Variants in CYP3A7 observed in about 807,000 individuals in gnomAD.
CYP3A7 encodes cytochrome P450 family 3 subfamily A member 7.
A neutral mutation model predicts 55.2 loss-of-function variants in CYP3A7; 45 were observed. The ratio of observed to expected loss-of-function variants is 0.82; its 90% confidence interval spans 0.64 to 1.05. The LOEUF (loss-of-function observed/expected upper bound fraction) is 1.05, where lower values mean the gene tolerates loss of function less well. CYP3A7 is among the 50% of genes least tolerant of loss of function. The pLI, the probability that CYP3A7 is intolerant of heterozygous loss-of-function variation, is 0.00. For synonymous variants in CYP3A7, 180 were observed against 207.4 expected (o/e 0.87, Z 1.13); for missense variants, 548 against 605.3 (o/e 0.91, Z 0.99).
intron 4 of CYP3A7, among the ~76,000 whole-genome samples, chr7:99,719,991 A>G (rs565505099): frequency 2.7e-4 from 41 of 151,964 alleles, no homozygotes; most frequent in African/African-American, 9.4e-4. Context: ...AGTGTGACTC[A>G]GTCCGAAAAA....
intron 12 of CYP3A7, 69 bp from the exon 13 acceptor site, chr7:99,705,664 TA>T (rs4646467): frequency 3.0e-4 from 469 of 1,557,850 alleles, no homozygotes; most frequent in Middle Eastern, 6.9e-4. Context: ...AGCATCAAAG[TA>T]AAAAAAAATT....
chr7:99,720,398 T>A lies in CYP3A7; in HGVS notation c.233A>T (p.Gln78Leu), dbSNP rs1387443575. The change falls in exon 4 of 13, where the codon CAA becomes CTA. Residue 78 changes from glutamine (Q) to leucine (L), a missense_variant. Coordinates refer to ENST00000336374, the MANE Select transcript of CYP3A7 (RefSeq NM_000765.5). ...YRKVWGIYDC[Q>L]QPMLAITDPD... is the part of the protein sequence containing the mutation. ...ATCTGTGATAGCCAGCATAGGCTGT[T>A]GACAGTCATAAATACTGTGTGGAGA... 5 of 1,613,576 alleles carry A rather than the reference T, an allele frequency of 3.1e-6. No homozygotes were observed. Among genetic ancestry groups the A allele is most frequent in the Non-Finnish European group, 4.2e-6 (5 of 1,179,680 alleles).
chr7:99,714,063 T>C (rs2151509826), intron 8 of CYP3A7, among the ~76,000 whole-genome samples: 1 of 152,330 alleles, frequency 6.6e-6, no homozygotes, highest in Non-Finnish European at 1.5e-5. Flanking sequence ...AGAAGACCTC[T>C]GTTCACTCGA....
chr7:99,718,443 C>T (rs1378733458), intron 4 of CYP3A7, among the ~76,000 whole-genome samples: 1 of 152,142 alleles, frequency 6.6e-6, no homozygotes, highest in Non-Finnish European at 1.5e-5. Context: ...TTGAAACTCT[C>T]TTTCATCTTC....
At chr7:99,715,368 C>A in intron 7 of CYP3A7, 2 of 250,518 alleles carry the variant, frequency 8.0e-6, no homozygotes, top group South Asian at 1.0e-4. Context: ...CGGAGAAGGG[C>A]AAACTAAGCC....
At position 99,734,934 on chromosome 7, in the gene CYP3A7, T is replaced by A. The variant is rs568087805; in HGVS notation, c.71+89A>T. 26 of 1,593,174 alleles carry A rather than the reference T, an allele frequency of 1.6e-5. No individual in the cohort carries two copies. In the East Asian group the frequency reaches 5.8e-4, roughly 36 times the overall value. Reference sequence around the variant, plus strand: ...CCACGGCCAGCCTGAACATCCTTTTTGCTATTCAAAACAGATAAGGGAAAG... The same window carrying A: ...CCACGGCCAGCCTGAACATCCTTTTAGCTATTCAAAACAGATAAGGGAAAG... On this transcript the variant is annotated intron_variant, in intron 1 of 12. Coordinates refer to ENST00000336374, the MANE Select transcript of CYP3A7 (RefSeq NM_000765.5).
Position 99,709,110 on chromosome 7 carries a change from A to G in CYP3A7, c.1178T>C (p.Val393Ala), listed in dbSNP as rs567007226. Residue 393 changes from valine (V) to alanine (A), a missense_variant, in exon 11 of 13, where the codon GTG becomes GCG. Physicochemically the swap from Val to Ala is moderately conservative, Grantham distance 64. Coordinates refer to ENST00000336374, the MANE Select transcript of CYP3A7 (RefSeq NM_000765.5). ...INGMFIPKGV[V>A]VMIPSYVLHH... ...AAGAACATAGCTTGGAATCATCACC[A>G]CCACCCCTTTGGGAATAAACATCCC... 134 of 1,613,890 alleles carry G rather than the reference A, an allele frequency of 8.3e-5. No homozygotes were observed. The South Asian group carries it at 1.4e-3, about 17-fold the overall frequency.
chr7:99,715,675 A>C lies in CYP3A7; in HGVS notation c.670+83T>G, dbSNP rs1302505047. ...CCATTAAACTGTACATTTTAAGTGG[A>C]TGAATTACATGGTGATTTACATCTC... On this transcript the variant is annotated intron_variant, in intron 7 of 12. Transcript: ENST00000336374. 3.1e-6 allele frequency: 5 copies of C among 1,602,584 alleles called. No homozygotes were observed. The Admixed American group carries it at 6.7e-5, about 21-fold the overall frequency.
chr7:99,727,026 T>C (rs1195322433), intron 2 of CYP3A7, among the ~76,000 whole-genome samples: 1 of 152,216 alleles, frequency 6.6e-6, no homozygotes, highest in Non-Finnish European at 1.5e-5. Context: ...AAAACCATTA[T>C]ATAAACTCAC....
At chr7:99,718,155 G>A (rs1016964120) in intron 4 of CYP3A7, among the ~76,000 whole-genome samples, 5 of 152,100 alleles carry the variant, frequency 3.3e-5, no homozygotes, top group African/African-American at 1.2e-4. Context: ...ATAGCATTAG[G>A]AGTTATACCT....
At chr7:99,708,883 T>C (rs1813631783) in intron 11 of CYP3A7, 152 bp downstream of exon 11, 2 of 923,406 alleles carry the variant, frequency 2.2e-6, no homozygotes, top group African/African-American at 1.7e-5. Context: ...GTTTGTAAAG[T>C]GTGACAATGA....
intron 1 of CYP3A7, among the ~76,000 whole-genome samples, chr7:99,733,568 A>G (rs747517139): frequency 7.2e-5 from 11 of 152,198 alleles, no homozygotes; most frequent in Non-Finnish European, 1.5e-4. Context: ...TGACTGCCAG[A>G]ATCTGTAGTG....
chr7:99,731,654 C>T (rs1163163675), intron 1 of CYP3A7, among the ~76,000 whole-genome samples: 2 of 152,194 alleles, frequency 1.3e-5, no homozygotes, highest in African/African-American at 2.4e-5. Context: ...TTAGAATTTG[C>T]TCAGAGGCTT....
rs781404311 is a variant in CYP3A7, at chr7:99,707,788, T to A, written c.1416+24A>T. 30 of 1,613,412 alleles carry A rather than the reference T, an allele frequency of 1.9e-5. No individual in the cohort carries two copies. The South Asian group carries it at 3.2e-4, about 17-fold the overall frequency. ...GTTAAAATAATTGTTAATAAAACAT[T>A]ATTAATGCAGAAAATTGACTGACCT... On this transcript the variant is annotated intron_variant, in intron 12 of 12. Coordinates refer to ENST00000336374, the MANE Select transcript of CYP3A7 (RefSeq NM_000765.5).
intron 9 of CYP3A7, 42 bp downstream of exon 9, chr7:99,713,427 T>C: frequency 6.2e-7 from 1 of 1,612,540 alleles, no homozygotes; most frequent in Non-Finnish European, 8.5e-7. Context: ...ACCTTCCCTC[T>C]GAGTGCCCCA....
chr7:99,715,539 G>A (rs1283812119), intron 7 of CYP3A7: 4 of 736,244 alleles, frequency 5.4e-6, no homozygotes, highest in Non-Finnish European at 6.4e-6. Flanking sequence ...ACGACAACAG[G>A]ATTTCTGGCA....
At chr7:99,720,688 C>A in intron 3 of CYP3A7, 1 of 371,860 alleles carries the variant, frequency 2.7e-6, no homozygotes, top group Non-Finnish European at 5.0e-6. Flanking sequence ...TTAGAAATGA[C>A]AGGAGAGCAT....
chr7:99,721,455 A>T (rs1814194441), intron 3 of CYP3A7, among the ~76,000 whole-genome samples: 1 of 152,358 alleles, frequency 6.6e-6, no homozygotes, highest in East Asian at 1.9e-4. Context: ...AGATGATGCC[A>T]TGCATTTATG....
Position 99,717,594 on chromosome 7 carries a change from C to T in CYP3A7, c.364G>A (p.Glu122Lys), listed in dbSNP as rs1478630086. The T allele has an allele frequency of 1.2e-6, 2 of 1,613,714 alleles. No individual in the cohort carries two copies. The highest frequency in any genetic ancestry group is 1.1e-5 in the South Asian group (1 of 91,082). ...GFMKNAISIAEDEEWKRIRSL... is the reference protein window; with the variant it reads ...GFMKNAISIAKDEEWKRIRSL... ...CGTATTCTCTTCCATTCTTCATCCTCAGCTATAGAGATGGCATTTTTCATA... is the reference window on the plus strand; with the variant it reads ...CGTATTCTCTTCCATTCTTCATCCTTAGCTATAGAGATGGCATTTTTCATA... Residue 122 changes from glutamate (E) to lysine (K), a missense_variant, in exon 5 of 13, where the codon GAG becomes AAG. Glu to Lys is a moderately conservative substitution (Grantham distance 56, BLOSUM62 1). Coordinates refer to ENST00000336374, the MANE Select transcript of CYP3A7 (RefSeq NM_000765.5).
Sources: allele counts gnomAD v4.1 joint callset (sites outside exome capture counted in the v4.1 genomes callset), GRCh38; gene constraint gnomAD v4.1.1; transcripts MANE v1.5; gene names NCBI Gene and HGNC (gene_info 2026-07-23, HGNC 2026-07-21).